The following PCDHA13 variants were observed in gnomAD, a reference collection of about 807,000 sequenced individuals.
PCDHA13 encodes protocadherin alpha 13.
A neutral mutation model predicts 64.8 loss-of-function variants in PCDHA13; 54 were observed. The ratio of observed to expected loss-of-function variants is 0.83; its 90% confidence interval spans 0.67 to 1.04. The LOEUF is 1.04. Ranked by LOEUF, PCDHA13 falls within the 50% of genes least tolerant of loss-of-function variation. The probability of loss-of-function intolerance (pLI) is 0.00; values close to 1 mark genes in which losing one functional copy is unlikely to be tolerated. For missense variants in PCDHA13, 1,248 were observed against 1,254.3 expected, an observed-to-expected ratio of 0.99 and a Z score of 0.08; for synonymous variants, 587 against 564.4, an observed-to-expected ratio of 1.04 and a Z score of -0.57.
chr5:140,940,988 T>G (rs2092713422), intron 1 of PCDHA13, among the ~76,000 whole-genome samples: 1 of 152,206 alleles, frequency 6.6e-6, no homozygotes, highest in African/African-American at 2.4e-5. Flanking sequence ...AGTTACAAGT[T>G]TATAGGATTA....
Position 140,883,615 on chromosome 5 carries a change from C to T in PCDHA13, c.1347C>T (p.Asn449=), listed in dbSNP as rs1554178913. 6 of 1,613,938 alleles carry T rather than the reference C, an allele frequency of 3.7e-6. No homozygotes were observed. The highest frequency in any genetic ancestry group is 1.3e-5 in the African/African-American group (1 of 75,044). Residue 449 remains asparagine (N), a synonymous_variant, in exon 1 of 4, where the codon AAC becomes AAT. Transcript: ENST00000289272. ...ASVSVGVADV[N]DNAPAFAQPE... ...TGTCGGTGGGGGTGGCCGACGTGAA[C>T]GACAACGCGCCGGCGTTCGCGCAGC...
At chr5:140,940,508 G>A (rs1171264265) in intron 1 of PCDHA13, among the ~76,000 whole-genome samples, 2 of 151,902 alleles carry the variant, frequency 1.3e-5, no homozygotes, top group African/African-American at 4.8e-5. Context: ...CGTCGCTCAG[G>A]CGTGATCATA....
chr5:140,928,351 G>A lies in PCDHA13; in HGVS notation c.2394+43689G>A, dbSNP rs201396871. ...CCTTGTCTCTTATGAGCTGTTGGAT[G>A]TTATCTCTGAAGGGCCATCAGCCTC... On this transcript the variant is annotated intron_variant, in intron 1 of 3. Coordinates refer to ENST00000289272, the MANE Select transcript of PCDHA13 (RefSeq NM_018904.3). The A allele has an allele frequency of 1.2e-5, 20 of 1,614,150 alleles. No individual in the cohort carries two copies. In the East Asian group the frequency reaches 4.5e-4, roughly 36 times the overall value.
In PCDHA13 at chr5:141,010,806, C is replaced by T. The variant is rs1404036886; in HGVS notation, c.*869C>T. ...GCAAAAGCAAAAGAAAACCCCGACA[C>T]CTCACCTTTCGCTGTTTGTTGTTTC... On this transcript the variant is annotated 3_prime_UTR_variant, in exon 4 of 4. Transcript: ENST00000289272. 2 of 153,736 alleles carry T rather than the reference C, an allele frequency of 1.3e-5. No individual in the cohort carries two copies. Among genetic ancestry groups the T allele is most frequent in the Non-Finnish European group, 1.5e-5 (1 of 68,048 alleles). 9.5% of individuals were successfully genotyped at this position (153,736 alleles called of 1,614,324 possible).
intron 1 of PCDHA13, chr5:140,966,570 G>A: frequency 2.0e-6 from 1 of 501,774 alleles, no homozygotes; most frequent in Non-Finnish European, 3.3e-6. Context: ...GGAATATGGG[G>A]AGTCAGCGAG....
chr5:140,945,387 T>C (rs1249675973), intron 1 of PCDHA13, among the ~76,000 whole-genome samples: 1 of 152,102 alleles, frequency 6.6e-6, no homozygotes, highest in Non-Finnish European at 1.5e-5. Flanking sequence ...CAAAGCAATA[T>C]ACAAATTCAA....
chr5:140,952,418 A>G (rs1563257684), intron 1 of PCDHA13, among the ~76,000 whole-genome samples: 1 of 152,090 alleles, frequency 6.6e-6, no homozygotes, highest in South Asian at 2.1e-4. Context: ...AATGTTCCGC[A>G]GATTCCTACA....
At chr5:140,927,780 T>C (rs1189193877) in intron 1 of PCDHA13, 5 of 1,614,090 alleles carry the variant, frequency 3.1e-6, no homozygotes, top group African/African-American at 1.3e-5. Flanking sequence ...TGCAAGTAGC[T>C]GCTTCACTAG....
Position 140,937,138 on chromosome 5 carries a change from T to C in PCDHA13, c.2395-41811T>C, listed in dbSNP as rs368450201. On this transcript the variant is annotated intron_variant, in intron 1 of 3. Coordinates refer to ENST00000289272, the MANE Select transcript of PCDHA13 (RefSeq NM_018904.3). ...CTGCAAGCTCCGCCTCCCGGGTTCA[T>C]GCCATTCTCCTGCCTCAGCCTCCCG... is the stretch of plus-strand genomic sequence containing the variant. 1.7e-4 allele frequency among the ~76,000 whole-genome samples: 25 copies of C among 151,290 alleles called. 1 individual carries two copies. In the South Asian group the frequency reaches 2.7e-3, roughly 16 times the overall value.
intron 1 of PCDHA13, among the ~76,000 whole-genome samples, chr5:140,918,603 A>G (rs2078773753): frequency 6.6e-6 from 1 of 152,252 alleles, no homozygotes; most frequent in African/African-American, 2.4e-5. Context: ...AGATGTTGCT[A>G]TGATATGAAT....
chr5:140,926,767 C>A (rs1323702990), intron 1 of PCDHA13: 1 of 1,359,024 alleles, frequency 7.4e-7, no homozygotes, highest in East Asian at 2.7e-5. Context: ...AGTATCCAGC[C>A]CGCAGCAGTG....
chr5:140,931,759 T>C (rs2087738384), intron 1 of PCDHA13, among the ~76,000 whole-genome samples: 2 of 151,994 alleles, frequency 1.3e-5, no homozygotes, highest in African/African-American at 4.8e-5. Flanking sequence ...GCATTTGTTA[T>C]TTACTTCTTC....
Position 141,011,113 on chromosome 5 carries a change from GAAAC to G in PCDHA13, c.*1179_*1182del, listed in dbSNP as rs1378492452. 6.5e-6 allele frequency: 1 copy of G among 153,504 alleles called. No homozygotes were observed. The highest frequency in any genetic ancestry group is 2.4e-5 in the African/African-American group (1 of 41,342). 9.5% of individuals were successfully genotyped at this position (153,504 alleles called of 1,614,324 possible). A position where few individuals can be genotyped will look rare whatever the true frequency, so the allele number is the denominator to read the frequency against. ...TTCTCTCTCTCTCTCTCTTTTCTAA[GAAAC>G]AATTATGTGCACTTTGATACACAAC... On this transcript the variant is annotated 3_prime_UTR_variant, in exon 4 of 4. Coordinates refer to ENST00000289272, the MANE Select transcript of PCDHA13 (RefSeq NM_018904.3).
chr5:140,968,670 T>C lies in PCDHA13; in HGVS notation c.2395-10279T>C, dbSNP rs782754896. 23 of 1,614,180 alleles carry C rather than the reference T, an allele frequency of 1.4e-5. No homozygotes were observed. Among genetic ancestry groups the C allele is most frequent in the Non-Finnish European group, 1.8e-5 (21 of 1,180,034 alleles). On this transcript the variant is annotated intron_variant, in intron 1 of 3. Coordinates refer to ENST00000289272, the MANE Select transcript of PCDHA13 (RefSeq NM_018904.3). ...ACTTCTGACCTGGACCTCTTTAAGG[T>C]AGAGCTGCACACAGGAGAAATTAGG...
At chr5:140,944,823 C>T (rs1246814273) in intron 1 of PCDHA13, among the ~76,000 whole-genome samples, 1 of 152,148 alleles carries the variant, frequency 6.6e-6, no homozygotes, top group Non-Finnish European at 1.5e-5. Context: ...ATCTTTGCCC[C>T]ATAATTGTAA....
In PCDHA13 at chr5:140,884,003, G is replaced by A; in HGVS notation, c.1735G>A (p.Glu579Lys). Residue 579 changes from glutamate (E) to lysine (K), a missense_variant, in exon 1 of 4, where the codon GAG becomes AAG. Glu to Lys is a moderately conservative substitution (Grantham distance 56). Coordinates refer to ENST00000289272, the MANE Select transcript of PCDHA13 (RefSeq NM_018904.3). ...GAGSAGGTVS[E>K]LMPRSVGAGH... ...TGGCAGCGCGGGAGGCACAGTGAGC[G>A]AGCTGATGCCGCGGTCGGTGGGTGC... 2.5e-6 allele frequency: 4 copies of A among 1,613,086 alleles called. No individual in the cohort carries two copies. Among genetic ancestry groups the A allele is most frequent in the African/African-American group, 1.3e-5 (1 of 75,048 alleles).
chr5:140,960,919 A>G (rs542740686), intron 1 of PCDHA13, among the ~76,000 whole-genome samples: 1 of 152,334 alleles, frequency 6.6e-6, no homozygotes, highest in Non-Finnish European at 1.5e-5. Flanking sequence ...CAGATAGAAA[A>G]TTGGTACTAA....
chr5:141,004,037 G>C (rs946974688), intron 3 of PCDHA13, among the ~76,000 whole-genome samples: 1 of 152,200 alleles, frequency 6.6e-6, no homozygotes, highest in African/African-American at 2.4e-5. Context: ...TTCCTTGATT[G>C]ATCATTTGCT....
intron 1 of PCDHA13, among the ~76,000 whole-genome samples, chr5:140,911,590 C>A (rs778543832): frequency 3.3e-5 from 5 of 152,156 alleles, no homozygotes; most frequent in Non-Finnish European, 4.4e-5. Context: ...TAGGAGGAAC[C>A]AACCAACTTC....
Sources: allele counts gnomAD v4.1 joint callset (sites outside exome capture counted in the v4.1 genomes callset), GRCh38; gene constraint gnomAD v4.1.1; transcripts MANE v1.5; gene names NCBI Gene and HGNC (gene_info 2026-07-23, HGNC 2026-07-21).